The following KIR3DL3 variants were observed in gnomAD, a reference collection of about 807,000 sequenced individuals.
The protein encoded by KIR3DL3 is killer cell immunoglobulin-like receptor 3DL3.
A neutral mutation model predicts 34.9 loss-of-function variants in KIR3DL3; 27 were observed. That is an observed-to-expected ratio of 0.77 (90% CI 0.57 to 1.07). KIR3DL3 has a LOEUF of 1.07. Among genes scored for constraint, KIR3DL3 ranks in the 50% least tolerant of loss-of-function variants. The pLI is 0.00. For synonymous variants in KIR3DL3, 217 were observed against 200.2 expected (o/e 1.08, Z -0.71); for missense variants, 681 against 528.5 (o/e 1.29, Z -2.83).
At chr19:54,727,580 C>CTCT in intron 3 of KIR3DL3, 31 bp from the exon 4 acceptor site, 2 of 1,595,206 alleles carry the variant, frequency 1.3e-6, no homozygotes, top group Admixed American at 3.5e-5. Context: ...GAAAGGGAGA[C>CTCT]GCCTTCTGAA....
intron 5 of KIR3DL3, among the ~76,000 whole-genome samples, chr19:54,733,086 G>A (rs2069004673): frequency 6.6e-6 from 1 of 152,180 alleles, no homozygotes; most frequent in East Asian, 1.9e-4. Context: ...TCATTTGCAG[G>A]GAGGGCTTGC....
intron 5 of KIR3DL3, among the ~76,000 whole-genome samples, chr19:54,731,980 A>T (rs1410535165): frequency 1.3e-5 from 2 of 152,226 alleles, no homozygotes; most frequent in Non-Finnish European, 2.9e-5. Flanking sequence ...CCGTAATGCC[A>T]TCTGCAATCT....
At chr19:54,734,839 C>G (rs1743324) in intron 5 of KIR3DL3, among the ~76,000 whole-genome samples, 27,626 of 111,828 alleles carry the variant, frequency 0.25, 4,810 homozygotes, top group Middle Eastern at 0.37. Flanking sequence ...AAGAGAGGGA[C>G]CAAGGGGGAG....
chr19:54,735,243 C>A lies in KIR3DL3; in HGVS notation c.950-10C>A. 1 of 1,488,246 alleles carries A rather than the reference C, an allele frequency of 6.7e-7. No homozygotes were observed. 92.2% of individuals were successfully genotyped at this position (1,488,246 alleles called of 1,614,324 possible). A position where few individuals can be genotyped will look rare whatever the true frequency, so the allele number is the denominator to read the frequency against. ...GATTAGCTTCTTATTGGTGTCTTGTCTTCCTCCAGGTAACTCCAGAAACCT... is the reference window on the plus strand; with the variant it reads ...GATTAGCTTCTTATTGGTGTCTTGTATTCCTCCAGGTAACTCCAGAAACCT... On this transcript the variant is annotated splice_polypyrimidine_tract_variant and intron_variant, in intron 5 of 7. Transcript: ENST00000291860.
chr19:54,729,595 AC>A lies in KIR3DL3; in HGVS notation c.760del (p.His254IlefsTer17). The A allele has an allele frequency of 6.2e-7, 1 of 1,606,058 alleles. No individual in the cohort carries two copies. On this transcript the variant is annotated frameshift_variant, in exon 5 of 8. Coordinates refer to ENST00000291860, the MANE Select transcript of KIR3DL3 (RefSeq NM_153443.5). LOFTEE classifies it high-confidence loss of function. ...SCSSRSLFDI[Y>X]HLSREAEAGE... ...AGCTCCCGGAGCTTGTTTGACATTT[AC>A]CATCTATCCAGGGAGGCGGAGGCCG...
rs1166188896 is a variant in KIR3DL3 at position 54,731,390 on chromosome 19, T to C, written c.949+1604T>C. On this transcript the variant is annotated intron_variant, in intron 5 of 7. Coordinates refer to ENST00000291860, the MANE Select transcript of KIR3DL3 (RefSeq NM_153443.5). ...ACATTCGTATCAGCAGTGTACCAGA[T>C]GCAACCCTGGTTGACTCAGCAGAGC... Among the ~76,000 whole-genome samples the C allele has an allele frequency of 7.3e-5, 11 of 151,526 alleles. No individual in the cohort carries two copies. In the East Asian group the frequency reaches 1.7e-3, roughly 24 times the overall value.
intron 4 of KIR3DL3, among the ~76,000 whole-genome samples, chr19:54,728,120 T>C (rs1218731181): frequency 6.6e-6 from 1 of 151,526 alleles, no homozygotes; most frequent in African/African-American, 2.4e-5. Flanking sequence ...ACAGGGGCCA[T>C]ACAAGGTGTT....
rs1213548019 is a variant in KIR3DL3, at chr19:54,729,615, G to A, written c.778G>A (p.Glu260Lys). 6.3e-7 allele frequency: 1 copy of A among 1,599,938 alleles called. No individual in the cohort carries two copies. Among genetic ancestry groups the A allele is most frequent in the South Asian group, 1.1e-5 (1 of 90,286 alleles). ...CATTTACCATCTATCCAGGGAGGCG[G>A]AGGCCGGTGAACTTAGGCTCACTGC... ...FDIYHLSREAEAGELRLTAVL... is the reference protein window; with the variant it reads ...FDIYHLSREAKAGELRLTAVL... Residue 260 changes from glutamate (E) to lysine (K), a missense_variant, in exon 5 of 8, where the codon GAG (glutamate) becomes AAG (lysine). Physicochemically the swap from Glu to Lys is moderately conservative, Grantham distance 56. Coordinates refer to ENST00000291860, the MANE Select transcript of KIR3DL3 (RefSeq NM_153443.5).
chr19:54,736,194 C>T lies in KIR3DL3; in HGVS notation c.*98C>T, dbSNP rs2069587112. ...TGGGATCTTCTAGGGAGACAATAGC[C>T]CTGTCTCAAAACCGGGTTGCCAGCT... On this transcript the variant is annotated 3_prime_UTR_variant, in exon 8 of 8. Coordinates refer to ENST00000291860, the MANE Select transcript of KIR3DL3 (RefSeq NM_153443.5). 1 of 1,544,024 alleles carries T rather than the reference C, an allele frequency of 6.5e-7. No homozygotes were observed. Among genetic ancestry groups the T allele is most frequent in the Middle Eastern group, 1.7e-4 (1 of 5,868 alleles).
In KIR3DL3 at chr19:54,725,248, GTTC is replaced by G. The variant is rs570478218; in HGVS notation, c.42_44del (p.Phe14del). ...ATCCATCATGATCTTTCTTTCCAGG[GTTC>G]TTCTTGCTGGAGGGGCCCTGGCCAC... On this transcript the variant is annotated inframe_deletion and splice_region_variant, in exon 2 of 8. Transcript: ENST00000291860. 2,137 of 1,594,706 alleles carry G rather than the reference GTTC, an allele frequency of 1.3e-3. 5 individuals carry two copies. The highest frequency in any genetic ancestry group is 4.2e-3 in the Middle Eastern group (24 of 5,672).
chr19:54,734,069 A>G (rs2069142012), intron 5 of KIR3DL3, among the ~76,000 whole-genome samples: 2 of 152,320 alleles, frequency 1.3e-5, no homozygotes, highest in South Asian at 4.1e-4. Context: ...TTCCTGGGCT[A>G]CATCATTATT....
At chr19:54,729,923 C>G (rs62132684) in intron 5 of KIR3DL3, 137 bp downstream of exon 5, 223,721 of 482,108 alleles carry the variant, frequency 0.46, 58,878 homozygotes, top group East Asian at 0.81. Context: ...GGGGTCAGGG[C>G]GCAGGATGGC....
chr19:54,730,210 A>G (rs1363393803), intron 5 of KIR3DL3, among the ~76,000 whole-genome samples: 1 of 151,632 alleles, frequency 6.6e-6, no homozygotes, highest in Non-Finnish European at 1.5e-5. Context: ...AAATATACCT[A>G]TGTAATTTAC....
intron 5 of KIR3DL3, among the ~76,000 whole-genome samples, chr19:54,732,530 T>G (rs2068929401): frequency 1.3e-5 from 2 of 152,126 alleles, no homozygotes; most frequent in Admixed American, 6.5e-5. Flanking sequence ...GTGCAAAGAT[T>G]ACAGGCGAGA....
chr19:54,727,805 C>T lies in KIR3DL3; in HGVS notation c.550C>T (p.Pro184Ser). The T allele has an allele frequency of 6.2e-7, 1 of 1,613,906 alleles. No homozygotes were observed. ...TTCCCAGGTCAACTATTCCATGGGT[C>T]CCATGACACCTGCCCTTGCAGGGAC... ...AGSQVNYSMG[P>S]MTPALAGTYR... The change falls in exon 4 of 8, where the codon CCC (proline) becomes TCC (serine). Residue 184 changes from proline (P) to serine (S), a missense_variant. Physicochemically the swap from Pro to Ser is moderately conservative, Grantham distance 74 (BLOSUM62 -1). Transcript: ENST00000291860.
At chr19:54,725,120 G>A (rs981772484) in intron 1 of KIR3DL3, 127 bp from the exon 2 acceptor site, 1 of 490,286 alleles carries the variant, frequency 2.0e-6, no homozygotes, top group East Asian at 3.0e-5. Flanking sequence ...AGAGATATAG[G>A]ACGGAGGTGG....
rs1235249213 is a variant in KIR3DL3, at chr19:54,726,296, G to C, written c.314G>C (p.Gly105Ala). Reference protein sequence around the residue: ...CCSSHPHSPTGWSAPSNPVVI... With the variant: ...CCSSHPHSPTAWSAPSNPVVI... ...AGTTCACACCCACACTCCCCCACTG[G>C]GTGGTCGGCACCCAGCAACCCTGTG... The change falls in exon 3 of 8, where the codon GGG becomes GCG. Residue 105 changes from glycine (G) to alanine (A), a missense_variant. Physicochemically the swap from Gly to Ala is moderately conservative, Grantham distance 60. Coordinates refer to ENST00000291860, the MANE Select transcript of KIR3DL3 (RefSeq NM_153443.5). The C allele has an allele frequency of 1.9e-6, 3 of 1,613,878 alleles. No individual in the cohort carries two copies.
At chr19:54,728,140 G>C (rs1600181336) in intron 4 of KIR3DL3, among the ~76,000 whole-genome samples, 1 of 151,600 alleles carries the variant, frequency 6.6e-6, no homozygotes, top group African/African-American at 2.4e-5. Context: ...TAGAAAAAGA[G>C]ATAAAGAGGT....
chr19:54,734,590 T>C (rs1243631583), intron 5 of KIR3DL3, among the ~76,000 whole-genome samples: 51 of 150,312 alleles, frequency 3.4e-4, no homozygotes, highest in African/African-American at 1.3e-3. Context: ...GCCCAGGCTG[T>C]TCTGGGATGT....
Sources: allele counts gnomAD v4.1 joint callset (sites outside exome capture counted in the v4.1 genomes callset), GRCh38; gene constraint gnomAD v4.1.1; transcripts MANE v1.5; gene names NCBI Gene and HGNC (gene_info 2026-07-23, HGNC 2026-07-21).